The following NSMCE2 variants were observed in gnomAD, a reference collection of about 807,000 sequenced individuals.
NSMCE2 encodes the protein E3 SUMO-protein ligase NSE2.
Under a neutral mutation model 23.8 loss-of-function variants are expected in NSMCE2, and 24 were observed. That is an observed-to-expected ratio of 1.01 (90% CI 0.73 to 1.42). The LOEUF is 1.42. NSMCE2 is among the 40% of genes most tolerant of loss of function. The pLI is 0.00. For missense variants in NSMCE2, 284 were observed against 296.5 expected (o/e 0.96, Z 0.31); for synonymous variants, 92 against 94.1 (o/e 0.98, Z 0.13).
At chr8:125,095,882 CAAAAAAAAAAAA>C (rs1174381155) in intron 1 of NSMCE2, among the ~76,000 whole-genome samples, 2 of 65,650 alleles carry the variant, frequency 3.0e-5, no homozygotes, top group Non-Finnish European at 6.6e-5. Flanking sequence ...AACTCCATCT[CAAAAAAAAAAAA>C]AAAAAAAGAA....
intron 5 of NSMCE2, among the ~76,000 whole-genome samples, chr8:125,191,707 A>G (rs1285171087): frequency 6.6e-6 from 1 of 152,214 alleles, no homozygotes; most frequent in Non-Finnish European, 1.5e-5. Context: ...AGAGAGGAGG[A>G]GGATATTTAT....
At chr8:125,195,779 A>G (rs1177039419) in intron 5 of NSMCE2, among the ~76,000 whole-genome samples, 1 of 151,926 alleles carries the variant, frequency 6.6e-6, no homozygotes, top group Non-Finnish European at 1.5e-5. Context: ...GATAGTCTTA[A>G]TCATGATATT....
chr8:125,159,120 A>G (rs1821469805), intron 4 of NSMCE2, among the ~76,000 whole-genome samples: 1 of 152,246 alleles, frequency 6.6e-6, no homozygotes, highest in Non-Finnish European at 1.5e-5. Flanking sequence ...TGAGTACAGT[A>G]CAATAAGACA....
intron 5 of NSMCE2, among the ~76,000 whole-genome samples, chr8:125,199,196 CTGAGT>C (rs1823758628): frequency 6.6e-6 from 1 of 152,090 alleles, no homozygotes; most frequent in Admixed American, 6.6e-5. Flanking sequence ...CTGCTCTGAT[CTGAGT>C]TATTTCTTGC....
chr8:125,349,890 G>A (rs965013700), intron 5 of NSMCE2, among the ~76,000 whole-genome samples: 3 of 152,196 alleles, frequency 2.0e-5, no homozygotes, highest in African/African-American at 2.4e-5. Context: ...CACCCCGAGC[G>A]AGAGTGAAGT....
intron 5 of NSMCE2, among the ~76,000 whole-genome samples, chr8:125,272,790 CAT>C (rs1491166764): frequency 7.1e-6 from 1 of 141,190 alleles, no homozygotes; most frequent in East Asian, 2.0e-4. Flanking sequence ...TATATATACA[CAT>C]GTGTATATAT....
chr8:125,142,406 C>T (rs1038559155), intron 3 of NSMCE2, among the ~76,000 whole-genome samples: 3 of 152,102 alleles, frequency 2.0e-5, no homozygotes, highest in Non-Finnish European at 2.9e-5. Context: ...TGTATTACAT[C>T]GTCTCTCTTC....
At chr8:125,132,299 A>G (rs552142582) in intron 3 of NSMCE2, among the ~76,000 whole-genome samples, 1 of 152,218 alleles carries the variant, frequency 6.6e-6, no homozygotes, top group South Asian at 2.1e-4. Context: ...ACAGGGTCTC[A>G]CTATGTTGGC....
At position 125,280,499 on chromosome 8, in the gene NSMCE2, G is replaced by C. The variant is rs148788185; in HGVS notation, c.419-76720G>C. On this transcript the variant is annotated intron_variant, in intron 5 of 7. Transcript: ENST00000287437. The stretch of plus-strand genomic sequence containing the variant: ...TGCTTATTTGAAGCAATAAAGCTGA[G>C]TTGACTCTGGACTTTCTAACAAACA... 5.4e-4 allele frequency among the ~76,000 whole-genome samples: 83 copies of C among 152,326 alleles called. No homozygotes were observed. The East Asian group carries it at 0.016, about 29-fold the overall frequency.
At position 125,141,189 on chromosome 8, in the gene NSMCE2, A is replaced by G. The variant is rs527883405; in HGVS notation, c.158-9982A>G. Reference sequence around the variant, plus strand: ...AGATATTAACATACATTCTAAGGATATATCTGTCTATATAATCAAAGATGT... The same window carrying G: ...AGATATTAACATACATTCTAAGGATGTATCTGTCTATATAATCAAAGATGT... On this transcript the variant is annotated intron_variant, in intron 3 of 7. Coordinates refer to ENST00000287437, the MANE Select transcript of NSMCE2 (RefSeq NM_173685.4). 7.9e-5 allele frequency among the ~76,000 whole-genome samples: 12 copies of G among 152,348 alleles called. No homozygotes were observed. The South Asian group carries it at 2.5e-3, about 32-fold the overall frequency.
chr8:125,352,718 T>G (rs938511399), intron 5 of NSMCE2, among the ~76,000 whole-genome samples: 1 of 152,202 alleles, frequency 6.6e-6, no homozygotes, highest in Non-Finnish European at 1.5e-5. Flanking sequence ...GATCAATATT[T>G]TCTCTCCCAT....
intron 5 of NSMCE2, among the ~76,000 whole-genome samples, chr8:125,310,942 A>G (rs1828952807): frequency 6.6e-6 from 1 of 152,252 alleles, no homozygotes; most frequent in African/African-American, 2.4e-5. Flanking sequence ...ATTGATGAAT[A>G]TATTAGATCG....
At chr8:125,302,209 G>A (rs1828593767) in intron 5 of NSMCE2, among the ~76,000 whole-genome samples, 1 of 151,302 alleles carries the variant, frequency 6.6e-6, no homozygotes, top group African/African-American at 2.4e-5. Context: ...TGCCCGCCTC[G>A]GCCTCCCAAA....
intron 5 of NSMCE2, among the ~76,000 whole-genome samples, chr8:125,240,891 C>T (rs1461175470): frequency 6.6e-6 from 1 of 152,026 alleles, no homozygotes; most frequent in African/African-American, 2.4e-5. Context: ...ATTCATGCAC[C>T]CCTGGTATCT....
In NSMCE2 at chr8:125,191,602, GTTC is replaced by G. The variant is rs1426792512; in HGVS notation, c.418+9352_418+9354del. Among the ~76,000 whole-genome samples, 5 of 152,290 alleles carry G rather than the reference GTTC, an allele frequency of 3.3e-5. No homozygotes were observed. In the East Asian group the frequency reaches 9.6e-4, roughly 29 times the overall value. On this transcript the variant is annotated intron_variant, in intron 5 of 7. Transcript: ENST00000287437. ...TAATGATACCAGACATTACATAGCA[GTTC>G]TTCTTTTCCAGATCTCCATGGTTTT...
At chr8:125,115,742 T>TA (rs1480835841) in intron 3 of NSMCE2, among the ~76,000 whole-genome samples, 56 of 152,140 alleles carry the variant, frequency 3.7e-4, no homozygotes, top group African/African-American at 1.2e-3. Flanking sequence ...AAAAAAATAA[T>TA]AATAAATAAA....
chr8:125,142,133 A>G (rs1029561040), intron 3 of NSMCE2, among the ~76,000 whole-genome samples: 1 of 152,150 alleles, frequency 6.6e-6, no homozygotes, highest in Non-Finnish European at 1.5e-5. Flanking sequence ...CAGAATAGTT[A>G]TCTATTCTGT....
At chr8:125,203,579 A>G (rs1443717528) in intron 5 of NSMCE2, among the ~76,000 whole-genome samples, 1 of 152,206 alleles carries the variant, frequency 6.6e-6, no homozygotes, top group East Asian at 1.9e-4. Context: ...TGAGCATAAG[A>G]TACAGAGATT....
intron 7 of NSMCE2, among the ~76,000 whole-genome samples, chr8:125,358,460 T>C (rs1436395488): frequency 6.7e-6 from 1 of 150,164 alleles, no homozygotes; most frequent in Non-Finnish European, 1.5e-5. Flanking sequence ...TATTGTTTTA[T>C]ATGTATATCA....
Sources: gnomAD v4.1 joint callset for allele counts (sites outside exome capture counted in the v4.1 genomes callset) on GRCh38, gnomAD v4.1.1 for gene constraint, MANE v1.5 for transcripts, NCBI Gene and HGNC (gene_info 2026-07-23, HGNC 2026-07-21) for gene names.